RAB33B: variants seen among roughly 807,000 people sequenced by gnomAD.
RAB33B encodes ras-related protein Rab-33B.
A neutral mutation model predicts 15.0 loss-of-function variants in RAB33B; 6 were observed. That is an observed-to-expected ratio of 0.40 (90% CI 0.22 to 0.79). The LOEUF is 0.79. Among genes scored for constraint, RAB33B ranks in the 30% least tolerant of loss-of-function variants. The pLI is 0.37. For missense variants in RAB33B, 257 were observed against 296.4 expected (o/e 0.87, Z 0.98); for synonymous variants, 117 against 108.3 (o/e 1.08, Z -0.50).
At chr4:139,466,961 CTTT>C (rs35504904) in intron 1 of RAB33B, among the ~76,000 whole-genome samples, 2 of 68,508 alleles carry the variant, frequency 2.9e-5, no homozygotes, top group African/African-American at 5.5e-5. Context: ...GAAGCACAAA[CTTT>C]TTTTTTTTTT....
intron 1 of RAB33B, among the ~76,000 whole-genome samples, chr4:139,461,029 T>C (rs180691711): frequency 6.6e-6 from 1 of 152,354 alleles, no homozygotes; most frequent in East Asian, 1.9e-4. Context: ...GGTCAAGATC[T>C]CTTGCTTTGG....
Position 139,473,076 on chromosome 4 carries a change from G to A in RAB33B, c.640G>A (p.Gly214Arg). The A allele has an allele frequency of 6.2e-7, 1 of 1,613,642 alleles. No individual in the cohort carries two copies. The highest frequency in any genetic ancestry group is 8.5e-7 in the Non-Finnish European group (1 of 1,179,810). Reference sequence around the variant, plus strand: ...AATGCTTAGTCAGCCCCCTGATAATGGAATTATCCTGAAGCCTGAACCAAA... The same window carrying A: ...AATGCTTAGTCAGCCCCCTGATAATAGAATTATCCTGAAGCCTGAACCAAA... ...PLMLSQPPDN[G>R]IILKPEPKPA... Residue 214 changes from glycine to arginine, a missense_variant, in exon 2 of 2, where the codon GGA (glycine) becomes AGA (arginine). By Grantham distance (125) the Gly-to-Arg change is moderately radical (BLOSUM62 -2). Coordinates refer to ENST00000305626, the MANE Select transcript of RAB33B (RefSeq NM_031296.3).
chr4:139,453,021 T>C (rs1749961256), upstream of RAB33B: 2 of 152,202 alleles, frequency 1.3e-5, no homozygotes, highest in Admixed American at 6.5e-5. Context: ...CTCAGAAAAA[T>C]TCACGGAGAT....
upstream of RAB33B, chr4:139,451,811 C>T (rs961063897): frequency 2.0e-5 from 3 of 152,190 alleles, no homozygotes; most frequent in Non-Finnish European, 4.4e-5. Flanking sequence ...ACAGTTTCTG[C>T]TCAGCTGTGT....
At chr4:139,453,477 G>C (rs1749976928), upstream of RAB33B, 1 of 152,410 alleles carries the variant, frequency 6.6e-6, no homozygotes, top group South Asian at 2.1e-4. Context: ...CCCGCACAGG[G>C]CAAGCTTTCG....
chr4:139,441,776 C>T, the RAB33B span, among the ~76,000 whole-genome samples: 3 of 152,064 alleles, frequency 2.0e-5, no homozygotes, highest in Admixed American at 6.6e-5. Context: ...TAAGTGAAAC[C>T]GTCGTAAATC....
rs563092251 is a variant in RAB33B, at chr4:139,474,423, T to C, written c.*1297T>C. 6.6e-6 allele frequency: 1 copy of C among 152,344 alleles called. No individual in the cohort carries two copies. The highest frequency in any genetic ancestry group is 2.4e-5 in the African/African-American group (1 of 41,576). The allele number at this position is 152,344 out of a possible 1,614,324, so 9.4% of individuals were successfully genotyped here. On this transcript the variant is annotated 3_prime_UTR_variant, in exon 2 of 2. Coordinates refer to ENST00000305626, the MANE Select transcript of RAB33B (RefSeq NM_031296.3). Reference sequence around the variant, plus strand: ...CTTAGCCTTTACTAATTTCAAGCAGTGTATCCCATATGGTATCTCTTGCTC... The same window carrying C: ...CTTAGCCTTTACTAATTTCAAGCAGCGTATCCCATATGGTATCTCTTGCTC...
chr4:139,457,447 T>C (rs145524997), intron 1 of RAB33B, among the ~76,000 whole-genome samples: 1 of 152,362 alleles, frequency 6.6e-6, no homozygotes, highest in East Asian at 1.9e-4. Context: ...AAGCCTGGTG[T>C]TGTATTTAAT....
chr4:139,456,952 G>C (rs1348313175), intron 1 of RAB33B, among the ~76,000 whole-genome samples: 1 of 152,032 alleles, frequency 6.6e-6, no homozygotes, highest in African/African-American at 2.4e-5. Context: ...TTCATATTAC[G>C]TCTTTGGAAA....
chr4:139,453,754 T>C (rs957302832), upstream of RAB33B: 2 of 154,190 alleles, frequency 1.3e-5, no homozygotes, highest in African/African-American at 4.8e-5. Flanking sequence ...GTGCCCGTGG[T>C]ACCTCCTTCC....
intron 1 of RAB33B, among the ~76,000 whole-genome samples, chr4:139,463,744 G>C (rs1445612572): frequency 1.3e-5 from 2 of 152,070 alleles, no homozygotes; most frequent in Admixed American, 1.3e-4. Flanking sequence ...GCCTTTTATG[G>C]TCAACAGTTT....
At position 139,473,220 on chromosome 4, in the gene RAB33B, G is replaced by T; in HGVS notation, c.*94G>T. ...CATAAGATTTAATCTCAACTATAAT[G>T]GGTCATCTTGACACTTTGCTGTTTG... On this transcript the variant is annotated 3_prime_UTR_variant, in exon 2 of 2. Coordinates refer to ENST00000305626, the MANE Select transcript of RAB33B (RefSeq NM_031296.3). 1 of 1,089,630 alleles carries T rather than the reference G, an allele frequency of 9.2e-7. No homozygotes were observed. Among genetic ancestry groups the T allele is most frequent in the South Asian group, 1.8e-5 (1 of 55,846 alleles). 67.5% of individuals were successfully genotyped at this position (1,089,630 alleles called of 1,614,324 possible).
At position 139,454,356 on chromosome 4, in the gene RAB33B, G is replaced by A. The variant is rs746037476; in HGVS notation, c.161G>A (p.Cys54Tyr). 25 of 1,613,930 alleles carry A rather than the reference G, an allele frequency of 1.5e-5. No homozygotes were observed. The highest frequency in any genetic ancestry group is 2.1e-5 in the Non-Finnish European group (25 of 1,180,038). Residue 54 changes from cysteine to tyrosine, a missense_variant, in exon 1 of 2, where the codon TGC becomes TAC. By Grantham distance (194) the Cys-to-Tyr change is radical (BLOSUM62 -2). Coordinates refer to ENST00000305626, the MANE Select transcript of RAB33B (RefSeq NM_031296.3). The stretch of plus-strand genomic sequence containing the variant: ...AAGACATGCCTGACCTACCGCTTCT[G>A]CGCTGGCCGCTTCCCCGACCGCACC... ...VGKTCLTYRFCAGRFPDRTEA... is the reference protein window; with the variant it reads ...VGKTCLTYRFYAGRFPDRTEA...
At chr4:139,448,090 A>G in the RAB33B span, among the ~76,000 whole-genome samples, 3 of 152,228 alleles carry the variant, frequency 2.0e-5, no homozygotes, top group African/African-American at 7.2e-5. Context: ...AAGAGTATGC[A>G]TGGAATACAG....
chr4:139,459,515 T>C (rs1750129265), intron 1 of RAB33B, among the ~76,000 whole-genome samples: 1 of 152,180 alleles, frequency 6.6e-6, no homozygotes, highest in African/African-American at 2.4e-5. Context: ...CCTGAACCTT[T>C]AGATGATTTC....
At chr4:139,442,497 C>T in the RAB33B span, among the ~76,000 whole-genome samples, 1 of 152,078 alleles carries the variant, frequency 6.6e-6, no homozygotes, top group Non-Finnish European at 1.5e-5. Context: ...ACATTTGAGT[C>T]AGTGGGCTGG....
chr4:139,453,833 G>A (rs535498698), upstream of RAB33B: 699 of 180,866 alleles, frequency 3.9e-3, 6 homozygotes, highest in African/African-American at 0.015. Context: ...GGGAACCTTG[G>A]ACGTGGCGGG....
the RAB33B span, among the ~76,000 whole-genome samples, chr4:139,441,833 C>T: frequency 6.6e-6 from 1 of 152,150 alleles, no homozygotes; most frequent in Non-Finnish European, 1.5e-5. Context: ...TAATTTTTGT[C>T]TAGGTGAGGA....
chr4:139,447,664 T>A, the RAB33B span, among the ~76,000 whole-genome samples: 2 of 131,136 alleles, frequency 1.5e-5, no homozygotes, highest in Admixed American at 1.5e-4. Context: ...ACTACTTTTT[T>A]TTTTTTTTTT....
Sources: gnomAD v4.1 joint callset for allele counts (sites outside exome capture counted in the v4.1 genomes callset) on GRCh38, gnomAD v4.1.1 for gene constraint, MANE v1.5 for transcripts, NCBI Gene and HGNC (gene_info 2026-07-23, HGNC 2026-07-21) for gene names.